SDK1: variants seen among roughly 807,000 people sequenced by gnomAD.
SDK1 encodes sidekick cell adhesion molecule 1.
In SDK1, 157 loss-of-function variants were observed where a neutral mutation model predicts 245.5. That is an observed-to-expected ratio of 0.64 (90% confidence interval 0.56 to 0.73). The LOEUF (loss-of-function observed/expected upper bound fraction) is 0.73, where lower values mean the gene tolerates loss of function less well. SDK1 is among the 30% of genes least tolerant of loss of function. The pLI is 0.00. For synonymous variants in SDK1, 1,647 were observed against 1,278.5 expected (o/e 1.29, Z -6.15); for missense variants, 3,583 against 3,002.3 (o/e 1.19, Z -4.52).
At chr7:3,396,186 C>A (rs1178202017) in intron 1 of SDK1, among the ~76,000 whole-genome samples, 1 of 151,498 alleles carries the variant, frequency 6.6e-6, no homozygotes, top group African/African-American at 2.4e-5. Flanking sequence ...TTGCTCATTC[C>A]CCCTTGTAAT....
intron 2 of SDK1, among the ~76,000 whole-genome samples, chr7:3,620,533 C>T (rs1414869211): frequency 2.4e-4 from 37 of 152,140 alleles, no homozygotes; most frequent in Non-Finnish European, 5.0e-4. Flanking sequence ...AAACTCCTGA[C>T]CTCAGGTGAT....
In SDK1 at chr7:3,747,583, G is replaced by C. The variant is rs570943076; in HGVS notation, c.714-73867G>C. On this transcript the variant is annotated intron_variant, in intron 4 of 44. Coordinates refer to ENST00000404826, the MANE Select transcript of SDK1 (RefSeq NM_152744.4). ...AGGAATAGAGTAGTGATGAAAACAG[G>C]AAGACAAGCATTAAATAAATCATGG... 2.0e-5 allele frequency among the ~76,000 whole-genome samples: 3 copies of C among 152,316 alleles called. No individual in the cohort carries two copies. The South Asian group carries it at 6.2e-4, about 32-fold the overall frequency.
intron 4 of SDK1, among the ~76,000 whole-genome samples, chr7:3,744,439 G>A (rs1339851014): frequency 1.3e-5 from 2 of 151,904 alleles, no homozygotes; most frequent in Admixed American, 6.6e-5. Context: ...CAGTAAATCC[G>A]ATCAATGAAT....
intron 4 of SDK1, among the ~76,000 whole-genome samples, chr7:3,664,093 C>G (rs1280684298): frequency 6.6e-6 from 1 of 152,076 alleles, no homozygotes; most frequent in African/African-American, 2.4e-5. Flanking sequence ...CTTGTTGAAA[C>G]ACACCTGTTG....
Position 3,338,440 on chromosome 7 carries a change from A to T in SDK1, c.298+36556A>T, listed in dbSNP as rs191876927. The stretch of plus-strand genomic sequence containing the variant: ...TCTTAAGAGCCAAGATAGCTTCCTG[A>T]AACATGTGAAGGAAAATGATCAGAA... On this transcript the variant is annotated intron_variant, in intron 1 of 44. Transcript: ENST00000404826. 1.5e-4 allele frequency: 76 copies of T among 524,048 alleles called. No homozygotes were observed. In the Middle Eastern group the frequency reaches 1.6e-3, roughly 11 times the overall value. The allele number at this position is 524,048 out of a possible 1,614,324, so 32.5% of individuals were successfully genotyped here.
chr7:3,912,500 A>G (rs771746934), intron 5 of SDK1, among the ~76,000 whole-genome samples: 2 of 152,242 alleles, frequency 1.3e-5, no homozygotes, highest in African/African-American at 4.8e-5. Flanking sequence ...AAGAAAGGCC[A>G]GTGAGAGGCT....
intron 35 of SDK1, among the ~76,000 whole-genome samples, chr7:4,191,804 A>G (rs1783221873): frequency 6.6e-6 from 1 of 152,226 alleles, no homozygotes; most frequent in South Asian, 2.1e-4. Flanking sequence ...GGCTATCCCC[A>G]CAGAGGAGGG....
chr7:4,205,293 G>C (rs529455921), intron 35 of SDK1, among the ~76,000 whole-genome samples: 2 of 152,298 alleles, frequency 1.3e-5, no homozygotes, highest in Admixed American at 1.3e-4. Flanking sequence ...GCCTGAACCT[G>C]TCATGGGAAC....
chr7:3,901,980 C>A (rs1358011963), intron 5 of SDK1, among the ~76,000 whole-genome samples: 3 of 152,192 alleles, frequency 2.0e-5, no homozygotes, highest in Non-Finnish European at 4.4e-5. Context: ...ATGTTCTCCT[C>A]TGTCTTTGAG....
intron 13 of SDK1, among the ~76,000 whole-genome samples, chr7:3,982,636 C>G (rs941520905): frequency 1.3e-5 from 2 of 151,952 alleles, no homozygotes; most frequent in African/African-American, 2.4e-5. Flanking sequence ...GTCAGGAGAT[C>G]GAGACCATCC....
chr7:3,692,060 A>G (rs1042266263), intron 4 of SDK1, among the ~76,000 whole-genome samples: 4 of 152,190 alleles, frequency 2.6e-5, no homozygotes, highest in Non-Finnish European at 5.9e-5. Flanking sequence ...GCTGTGAGCA[A>G]GACGGTTATG....
rs746985061 is a variant in SDK1 at position 3,951,926 on chromosome 7, G to A, written c.1150+6G>A. 2.3e-5 allele frequency: 37 copies of A among 1,610,178 alleles called. No homozygotes were observed. The highest frequency in any genetic ancestry group is 1.8e-4 in the Middle Eastern group (1 of 5,664). On this transcript the variant is annotated splice_donor_region_variant and intron_variant, in intron 7 of 44. Coordinates refer to ENST00000404826, the MANE Select transcript of SDK1 (RefSeq NM_152744.4). The stretch of plus-strand genomic sequence containing the variant: ...GGCCTTTCTTTTCATCATAGGTAAT[G>A]CGGGAGCCTCTAAGTGGTGTTGCCA...
intron 1 of SDK1, 34 bp downstream of exon 1, chr7:3,301,918 C>G: frequency 8.9e-7 from 1 of 1,126,974 alleles, no homozygotes; most frequent in South Asian, 4.3e-5. Flanking sequence ...CCGGGGGCGT[C>G]GCCTCGGGGC....
chr7:4,002,070 T>G (rs1053036991), intron 14 of SDK1, among the ~76,000 whole-genome samples: 2 of 152,256 alleles, frequency 1.3e-5, no homozygotes, highest in African/African-American at 4.8e-5. Context: ...CACTAAAAAT[T>G]ATGTTCCTTT....
chr7:4,073,460 C>T (rs1447386728), intron 20 of SDK1, among the ~76,000 whole-genome samples: 2 of 152,262 alleles, frequency 1.3e-5, no homozygotes, highest in South Asian at 2.1e-4. Flanking sequence ...ATTCTATCAA[C>T]ACTGCTCTTC....
intron 22 of SDK1, among the ~76,000 whole-genome samples, chr7:4,093,458 C>CAAAAAAAAAA (rs71032922): frequency 1.3e-5 from 1 of 77,784 alleles, no homozygotes; most frequent in Non-Finnish European, 2.8e-5. Flanking sequence ...AAATGGAAAG[C>CAAAAAAAAAA]AAAAAAAAAA....
At chr7:3,993,239 T>A (rs1392531548) in intron 14 of SDK1, among the ~76,000 whole-genome samples, 1 of 152,214 alleles carries the variant, frequency 6.6e-6, no homozygotes, top group African/African-American at 2.4e-5. Flanking sequence ...GCCATCCTAG[T>A]TCTCAAACTG....
rs1223914835 is a variant in SDK1 at position 3,515,677 on chromosome 7, A to AT, written c.299-103402dup. ...TATTTGGAAGTCATTTCAGAATCAT[A>AT]TAAGGAGGTTAGCCAAAGAGAAATG... On this transcript the variant is annotated intron_variant, in intron 1 of 44. Coordinates refer to ENST00000404826, the MANE Select transcript of SDK1 (RefSeq NM_152744.4). Among the ~76,000 whole-genome samples, 11 of 152,202 alleles carry AT rather than the reference A, an allele frequency of 7.2e-5. No homozygotes were observed. The South Asian group carries it at 2.3e-3, about 32-fold the overall frequency.
At chr7:3,588,958 T>C (rs577893942) in intron 1 of SDK1, among the ~76,000 whole-genome samples, 1 of 152,346 alleles carries the variant, frequency 6.6e-6, no homozygotes, top group South Asian at 2.1e-4. Flanking sequence ...GCTGCTTTTT[T>C]ATTTAGGATT....
Sources: gnomAD v4.1 joint callset for allele counts (sites outside exome capture counted in the v4.1 genomes callset) on GRCh38, gnomAD v4.1.1 for gene constraint, MANE v1.5 for transcripts, NCBI Gene and HGNC (gene_info 2026-07-23, HGNC 2026-07-21) for gene names.